PSD2: variants seen among roughly 807,000 people sequenced by gnomAD.
PSD2 encodes the protein pleckstrin and Sec7 domain containing 2, also known as PH and SEC7 domain-containing protein 2.
PSD2 carries 38 observed loss-of-function variants against 69.8 expected under a neutral mutation model. That is an observed-to-expected ratio of 0.54 (90% CI 0.42 to 0.71). The LOEUF (loss-of-function observed/expected upper bound fraction) is 0.71. Ranked by LOEUF, PSD2 falls within the 30% of genes least tolerant of loss-of-function variation. The pLI is 0.00. For synonymous variants in PSD2, 412 were observed against 423.0 expected (o/e 0.97, Z 0.32); for missense variants, 943 against 1,014.5 (o/e 0.93, Z 0.96).
At chr5:139,800,270 A>G (rs764740184) in intron 1 of PSD2, among the ~76,000 whole-genome samples, 1 of 152,250 alleles carries the variant, frequency 6.6e-6, no homozygotes, top group Non-Finnish European at 1.5e-5. Flanking sequence ...ATGCAGCTGA[A>G]TGGGGCTGAG....
upstream of PSD2, among the ~76,000 whole-genome samples, chr5:139,793,833 C>T (rs1759461670): frequency 6.6e-6 from 1 of 152,194 alleles, no homozygotes; most frequent in Non-Finnish European, 1.5e-5. Flanking sequence ...CTTTCGGTCC[C>T]CATCCTAGCC....
At chr5:139,834,938 C>CATAT (rs142648416) in intron 8 of PSD2, among the ~76,000 whole-genome samples, 19 of 150,110 alleles carry the variant, frequency 1.3e-4, no homozygotes, top group African/African-American at 4.7e-4. Context: ...ACCCATCACC[C>CATAT]ATATATATAT....
chr5:139,805,729 G>A (rs191506870), intron 1 of PSD2, among the ~76,000 whole-genome samples: 2 of 152,228 alleles, frequency 1.3e-5, no homozygotes, highest in East Asian at 1.9e-4. Flanking sequence ...TATAGCTGGT[G>A]CAAAGGCCCT....
Position 139,842,300 on chromosome 5 carries a change from C to T in PSD2, c.2142C>T (p.Leu714=), listed in dbSNP as rs756212297. 4.7e-5 allele frequency: 76 copies of T among 1,614,228 alleles called. No individual in the cohort carries two copies. The Middle Eastern group carries it at 1.2e-3, about 25-fold the overall frequency. Residue 714 remains leucine (L), a synonymous_variant, in exon 15 of 15, where the codon CTC becomes CTT. Coordinates refer to ENST00000274710, the MANE Select transcript of PSD2 (RefSeq NM_032289.4). ...EKSRYETYIH[L]LAMKIKVGSD... is the part of the protein sequence containing the mutation. Reference sequence around the variant, plus strand: ...GCCGTTATGAGACCTATATCCACCTCCTGGCTATGAAAATCAAAGTGGGCT... The same window carrying T: ...GCCGTTATGAGACCTATATCCACCTTCTGGCTATGAAAATCAAAGTGGGCT...
At chr5:139,797,545 C>T (rs1759561946) in intron 1 of PSD2, among the ~76,000 whole-genome samples, 1 of 152,154 alleles carries the variant, frequency 6.6e-6, no homozygotes, top group African/African-American at 2.4e-5. Context: ...CACAAGCAGA[C>T]CTGACAAATA....
chr5:139,831,762 G>A (rs567180563), intron 7 of PSD2, among the ~76,000 whole-genome samples: 1 of 152,086 alleles, frequency 6.6e-6, no homozygotes. Context: ...TTTCCATTTA[G>A]AGTTACCAAT....
the PSD2 span, among the ~76,000 whole-genome samples, chr5:139,771,528 G>A: frequency 3.9e-5 from 6 of 152,058 alleles, no homozygotes; most frequent in African/African-American, 9.7e-5. Flanking sequence ...ACAGGCGCCC[G>A]CCACCACGCC....
At chr5:139,764,270 G>A in the PSD2 span, among the ~76,000 whole-genome samples, 1 of 152,218 alleles carries the variant, frequency 6.6e-6, no homozygotes, top group African/African-American at 2.4e-5. Context: ...CAACCGCAGT[G>A]GCCAGCTCGC....
At chr5:139,804,719 C>A (rs1759753938) in intron 1 of PSD2, among the ~76,000 whole-genome samples, 1 of 152,202 alleles carries the variant, frequency 6.6e-6, no homozygotes, top group Non-Finnish European at 1.5e-5. Context: ...CTTCTGCATA[C>A]CCAGGATGGT....
At chr5:139,760,137 T>C in the PSD2 span, among the ~76,000 whole-genome samples, 1 of 152,250 alleles carries the variant, frequency 6.6e-6, no homozygotes, top group African/African-American at 2.4e-5. Context: ...TCTGCCAGTA[T>C]GGACAGGGTT....
rs923066479 is a variant in PSD2, at chr5:139,814,450, G to A, written c.1016+86G>A. ...GAGGGTGTGGGTGACCTTCTTCAGG[G>A]GTGCCAGGTGCTGGGGGGGCACTCC... On this transcript the variant is annotated intron_variant, in intron 4 of 14. Transcript: ENST00000274710. The surrounding 1 kb of genome is among the most constrained non-coding windows in gnomAD (Gnocchi z 4.4). 3.9e-5 allele frequency: 49 copies of A among 1,262,656 alleles called. No individual in the cohort carries two copies. The highest frequency in any genetic ancestry group is 4.9e-5 in the Non-Finnish European group (46 of 940,312). 78.2% of individuals were successfully genotyped at this position (1,262,656 alleles called of 1,614,324 possible). A position where few individuals can be genotyped will look rare whatever the true frequency, so the allele number is the denominator to read the frequency against.
chr5:139,836,004 T>A (rs1237756254), intron 9 of PSD2, among the ~76,000 whole-genome samples: 1 of 152,240 alleles, frequency 6.6e-6, no homozygotes, highest in African/African-American at 2.4e-5. Flanking sequence ...AACTGTGACT[T>A]TAGTTCTATG....
chr5:139,765,323 T>C, the PSD2 span, among the ~76,000 whole-genome samples: 9 of 152,004 alleles, frequency 5.9e-5, no homozygotes, highest in South Asian at 1.5e-3. Flanking sequence ...CCCAGCGCCC[T>C]CTTTCCAGTT....
chr5:139,764,489 C>T, the PSD2 span, among the ~76,000 whole-genome samples: 1 of 152,094 alleles, frequency 6.6e-6, no homozygotes, highest in East Asian at 1.9e-4. Flanking sequence ...CAGCCTGGCG[C>T]GCCCGCTCCC....
In PSD2 at chr5:139,836,863, G is replaced by C; in HGVS notation, c.1456G>C (p.Gly486Arg). Reference protein sequence around the residue: ...SLSELVDDKFGTGTKKVTRIL... With the variant: ...SLSELVDDKFRTGTKKVTRIL... ...GTCTGAGCTGGTGGATGACAAGTTC[G>C]GGACAGGCACGAAGAAGGTGACGCG... The change falls in exon 10 of 15, where the codon GGG (glycine) becomes CGG (arginine). Residue 486 changes from glycine (G) to arginine (R), a missense_variant. Coordinates refer to ENST00000274710, the MANE Select transcript of PSD2 (RefSeq NM_032289.4). The C allele has an allele frequency of 6.2e-7, 1 of 1,614,192 alleles. No homozygotes were observed. The highest frequency in any genetic ancestry group is 8.5e-7 in the Non-Finnish European group (1 of 1,180,018).
intron 7 of PSD2, among the ~76,000 whole-genome samples, chr5:139,826,905 C>T (rs1480986212): frequency 6.6e-6 from 1 of 152,208 alleles, no homozygotes; most frequent in Non-Finnish European, 1.5e-5. Flanking sequence ...CTGGAGAGAG[C>T]TGGTACCCGA....
chr5:139,746,662 C>T, the PSD2 span, among the ~76,000 whole-genome samples: 1 of 152,230 alleles, frequency 6.6e-6, no homozygotes, highest in African/African-American at 2.4e-5. The surrounding 1 kb of genome is among the most constrained non-coding windows in gnomAD (Gnocchi z 4.5). Flanking sequence ...GGATCGATAT[C>T]TGCCCGCTGG....
the PSD2 span, among the ~76,000 whole-genome samples, chr5:139,766,912 C>CTTT: frequency 2.3e-3 from 147 of 64,840 alleles, 20 homozygotes; most frequent in Middle Eastern, 7.4e-3. Flanking sequence ...TCCCTCCCTT[C>CTTT]CTTCCTTCCT....
At chr5:139,830,598 T>TTC (rs1760562446) in intron 7 of PSD2, among the ~76,000 whole-genome samples, 195 of 130,630 alleles carry the variant, frequency 1.5e-3, no homozygotes, top group African/African-American at 4.9e-3. Context: ...TTCTTTTTCT[T>TTC]TCTTTCTTTC....
Sources: gnomAD v4.1 joint callset for allele counts (sites outside exome capture counted in the v4.1 genomes callset) on GRCh38, gnomAD v4.1.1 for gene constraint, Gnocchi (gnomAD v3.1) non-coding constraint, MANE v1.5 for transcripts, NCBI Gene and HGNC (gene_info 2026-07-23, HGNC 2026-07-21) for gene names.